Variants in TMCO4 observed in about 807,000 individuals in gnomAD.
TMCO4 encodes transmembrane and coiled-coil domain-containing protein 4.
Under a neutral mutation model 64.7 loss-of-function variants are expected in TMCO4, and 58 were observed. The ratio of observed to expected loss-of-function variants is 0.90; its 90% confidence interval spans 0.73 to 1.12. The LOEUF (loss-of-function observed/expected upper bound fraction) is 1.12, where lower values mean the gene tolerates loss of function less well. Ranked by LOEUF, TMCO4 falls within the 50% of genes most tolerant of loss-of-function variation. The pLI, the probability that TMCO4 is intolerant of heterozygous loss-of-function variation, is 0.00. For synonymous variants in TMCO4, 325 were observed against 346.1 expected (o/e 0.94, Z 0.68); for missense variants, 780 against 825.9 (o/e 0.94, Z 0.68).
At chr1:19,699,914 T>C (rs1047345063) in intron 14 of TMCO4, among the ~76,000 whole-genome samples, 10 of 152,204 alleles carry the variant, frequency 6.6e-5, no homozygotes, top group African/African-American at 2.4e-4. Context: ...ATCACAACTC[T>C]GAGGGCAGTT....
intron 6 of TMCO4, among the ~76,000 whole-genome samples, chr1:19,764,308 T>C (rs918078480): frequency 2.6e-5 from 4 of 152,254 alleles, no homozygotes; most frequent in Non-Finnish European, 5.9e-5. Context: ...TTCTCTGCGC[T>C]GCAGTTTCCT....
intron 9 of TMCO4, among the ~76,000 whole-genome samples, 156 bp downstream of exon 9, chr1:19,746,300 C>T (rs968729305): frequency 6.6e-6 from 1 of 152,194 alleles, no homozygotes; most frequent in African/African-American, 2.4e-5. Context: ...CTGACCCACG[C>T]GAGCTCTGGG....
chr1:19,689,180 G>A (rs1484343047), intron 15 of TMCO4, among the ~76,000 whole-genome samples: 1 of 152,182 alleles, frequency 6.6e-6, no homozygotes, highest in Non-Finnish European at 1.5e-5. Flanking sequence ...AACCTCCCTT[G>A]CCAGCAACTT....
At chr1:19,748,047 T>G (rs1464111578) in intron 7 of TMCO4, among the ~76,000 whole-genome samples, 3 of 152,234 alleles carry the variant, frequency 2.0e-5, no homozygotes, top group Non-Finnish European at 4.4e-5. Flanking sequence ...GCTTCTTATA[T>G]CTCAGCCACT....
chr1:19,791,308 CTTAAAATTAAAA>C (rs58086101), intron 2 of TMCO4, among the ~76,000 whole-genome samples: 101 of 150,400 alleles, frequency 6.7e-4, no homozygotes, highest in African/African-American at 2.1e-3. Context: ...TATCCCAGAA[CTTAAAATTAAAA>C]TTAAAATTAA....
intron 3 of TMCO4, among the ~76,000 whole-genome samples, chr1:19,780,987 C>G (rs1302216316): frequency 6.6e-6 from 1 of 151,928 alleles, no homozygotes; most frequent in Non-Finnish European, 1.5e-5. Flanking sequence ...TACACAGTAT[C>G]CAAACAACTA....
chr1:19,751,542 A>G (rs1318507548), intron 7 of TMCO4, among the ~76,000 whole-genome samples: 1 of 152,186 alleles, frequency 6.6e-6, no homozygotes, highest in African/African-American at 2.4e-5. Context: ...GGCTGCAGTG[A>G]GCCTCTGCTG....
chr1:19,703,843 C>T (rs879683092), intron 13 of TMCO4, among the ~76,000 whole-genome samples: 28 of 152,200 alleles, frequency 1.8e-4, no homozygotes, highest in Non-Finnish European at 3.7e-4. Flanking sequence ...CCACCACGCC[C>T]GTCCAGCTCT....
rs202123603 is a variant in TMCO4, at chr1:19,745,539, G to T, written c.870C>A (p.Gly290=). The stretch of plus-strand genomic sequence containing the variant: ...GGTCCTCCTGGTCCTCACGGTATTT[G>T]CCAGAAGCGAGCCACCCCGTGACGG... ...TIAVTGWLAS[G]KYRTFSAPWA... Residue 290 remains glycine (G), a synonymous_variant, in exon 10 of 16, where the codon GGC becomes GGA. Coordinates refer to ENST00000294543, the MANE Select transcript of TMCO4 (RefSeq NM_181719.7). 21 of 1,613,956 alleles carry T rather than the reference G, an allele frequency of 1.3e-5. No homozygotes were observed. Among genetic ancestry groups the T allele is most frequent in the Non-Finnish European group, 1.6e-5 (19 of 1,180,026 alleles).
At chr1:19,797,721 G>A (rs1266123222) in intron 2 of TMCO4, among the ~76,000 whole-genome samples, 4 of 151,836 alleles carry the variant, frequency 2.6e-5, no homozygotes, top group Non-Finnish European at 4.4e-5. Flanking sequence ...AAAATCAGCC[G>A]GGCATGATGG....
At chr1:19,684,090 AG>A (rs1404568290) in intron 15 of TMCO4, among the ~76,000 whole-genome samples, 1 of 90,176 alleles carries the variant, frequency 1.1e-5, no homozygotes. Context: ...TTTTTTTTTA[AG>A]GGATGGGCTT....
At chr1:19,786,206 G>A (rs559415557) in intron 3 of TMCO4, among the ~76,000 whole-genome samples, 2 of 152,320 alleles carry the variant, frequency 1.3e-5, no homozygotes, top group East Asian at 1.9e-4. Flanking sequence ...GCAGCGAGCC[G>A]TGATCGCACT....
intron 6 of TMCO4, among the ~76,000 whole-genome samples, chr1:19,761,979 C>T (rs1003234998): frequency 6.6e-6 from 1 of 152,200 alleles, no homozygotes; most frequent in Non-Finnish European, 1.5e-5. Flanking sequence ...TGCTGATCCT[C>T]CCAATGGTCC....
chr1:19,689,343 G>T (rs1020153008), intron 15 of TMCO4, among the ~76,000 whole-genome samples: 1 of 152,204 alleles, frequency 6.6e-6, no homozygotes, highest in Non-Finnish European at 1.5e-5. Flanking sequence ...AAGCTGCCAC[G>T]AAGACAGCCT....
At chr1:19,767,751 C>T (rs1207659973) in intron 6 of TMCO4, among the ~76,000 whole-genome samples, 1 of 152,162 alleles carries the variant, frequency 6.6e-6, no homozygotes, top group Non-Finnish European at 1.5e-5. Flanking sequence ...TGTGTGTCTG[C>T]AAGGAAGCCC....
chr1:19,725,636 TC>T (rs1271566813), intron 13 of TMCO4, among the ~76,000 whole-genome samples: 1 of 152,152 alleles, frequency 6.6e-6, no homozygotes, highest in African/African-American at 2.4e-5. Context: ...GGTCAGTCAC[TC>T]CCAAAGCAAA....
At chr1:19,705,977 T>C (rs937849432) in intron 13 of TMCO4, among the ~76,000 whole-genome samples, 5 of 152,126 alleles carry the variant, frequency 3.3e-5, no homozygotes, top group African/African-American at 1.2e-4. Context: ...TGTGGCTCAC[T>C]GCAGCCTCGA....
At chr1:19,730,799 G>A (rs2095427115) in intron 13 of TMCO4, among the ~76,000 whole-genome samples, 1 of 152,232 alleles carries the variant, frequency 6.6e-6, no homozygotes, top group Non-Finnish European at 1.5e-5. Flanking sequence ...GGGGAGGCTG[G>A]TGGAAGGATT....
intron 7 of TMCO4, among the ~76,000 whole-genome samples, chr1:19,748,569 A>T (rs2041889461): frequency 6.6e-6 from 1 of 152,212 alleles, no homozygotes; most frequent in Non-Finnish European, 1.5e-5. Flanking sequence ...TCACACCTGT[A>T]AACCCAGCAC....
Sources: allele counts gnomAD v4.1 joint callset (sites outside exome capture counted in the v4.1 genomes callset), GRCh38; gene constraint gnomAD v4.1.1; transcripts MANE v1.5; gene names NCBI Gene and HGNC (gene_info 2026-07-23, HGNC 2026-07-21).